SLC12A7: variants seen among roughly 807,000 people sequenced by gnomAD.
SLC12A7 encodes solute carrier family 12 member 7.
A neutral mutation model predicts 120.6 loss-of-function variants in SLC12A7; 100 were observed. The ratio of observed to expected loss-of-function variants is 0.83; its 90% CI spans 0.71 to 0.98. The LOEUF (loss-of-function observed/expected upper bound fraction) is 0.98. Ranked by LOEUF, SLC12A7 falls within the 50% of genes least tolerant of loss-of-function variation. The probability of loss-of-function intolerance (pLI) is 0.00; values close to 1 mark genes in which losing one functional copy is unlikely to be tolerated. For missense variants in SLC12A7, 1,373 were observed against 1,548.1 expected, an observed-to-expected ratio of 0.89 and a Z score of 1.90; for synonymous variants, 760 against 678.0, an observed-to-expected ratio of 1.12 and a Z score of -1.88.
At chr5:1,076,288 C>T (rs756038216) in intron 13 of SLC12A7, 52 bp from the exon 14 acceptor site, 6 of 1,438,954 alleles carry the variant, frequency 4.2e-6, no homozygotes, top group African/African-American at 1.4e-5. Context: ...CCCTGAGCCC[C>T]CAGTCACTGC....
chr5:1,154,943 G>A, the SLC12A7 span, among the ~76,000 whole-genome samples: 8 of 152,216 alleles, frequency 5.3e-5, no homozygotes, highest in South Asian at 2.1e-4. Flanking sequence ...CGGGGCCCAC[G>A]AGCTTTAAGC....
chr5:1,085,562 G>A lies in SLC12A7; in HGVS notation c.676-89C>T. 3 of 1,472,146 alleles carry A rather than the reference G, an allele frequency of 2.0e-6. 1 individual carries two copies. The South Asian group carries it at 4.1e-5, about 20-fold the overall frequency. 91.2% of individuals were successfully genotyped at this position (1,472,146 alleles called of 1,614,324 possible). On this transcript the variant is annotated intron_variant, in intron 6 of 23. Transcript: ENST00000264930. ...CGCAAGCCCCCAGCGCCACACAGGG[G>A]CCTCCTCCCAACAGGTGCCGGGGCC...
intron 14 of SLC12A7, chr5:1,075,891 C>T: frequency 1.9e-6 from 1 of 534,618 alleles, no homozygotes. Flanking sequence ...ATGCAGACAC[C>T]TGGGCATCCT....
At chr5:1,127,115 A>G in the SLC12A7 span, among the ~76,000 whole-genome samples, 1 of 152,148 alleles carries the variant, frequency 6.6e-6, no homozygotes, top group African/African-American at 2.4e-5. Context: ...CCCAGGTTCA[A>G]GTGATTCTCC....
chr5:1,079,528 T>A (rs1450262614), intron 9 of SLC12A7, 32 bp from the exon 10 acceptor site: 2 of 1,564,802 alleles, frequency 1.3e-6, no homozygotes, highest in Admixed American at 1.7e-5. Flanking sequence ...CAAAGACCCA[T>A]CTGAGGAGTC....
intron 8 of SLC12A7, 22 bp downstream of exon 8, chr5:1,083,723 G>T: frequency 3.1e-6 from 5 of 1,609,446 alleles, no homozygotes; most frequent in Non-Finnish European, 2.5e-6. Flanking sequence ...CCCAGCTCCA[G>T]CTGCAGCCCT....
chr5:1,139,216 G>A, the SLC12A7 span, among the ~76,000 whole-genome samples: 2 of 152,362 alleles, frequency 1.3e-5, no homozygotes, highest in East Asian at 3.9e-4. Context: ...GGGAAAGTGT[G>A]AGCCCTTGGC....
chr5:1,060,277 A>G, intron 21 of SLC12A7, 67 bp downstream of exon 21: 1 of 1,232,888 alleles, frequency 8.1e-7, no homozygotes, highest in East Asian at 2.3e-5. Flanking sequence ...GGGTCCCAGA[A>G]AAGACTCGGC....
the SLC12A7 span, among the ~76,000 whole-genome samples, chr5:1,138,557 G>A: frequency 1.3e-5 from 2 of 152,114 alleles, no homozygotes; most frequent in Admixed American, 6.5e-5. Context: ...CTCTCTCCTC[G>A]TCTGTTTCTG....
At chr5:1,154,651 G>A in the SLC12A7 span, among the ~76,000 whole-genome samples, 2 of 152,216 alleles carry the variant, frequency 1.3e-5, no homozygotes, top group East Asian at 1.9e-4. Flanking sequence ...GGGCCATCGC[G>A]TGTAAAGGCT....
rs745741106 is a variant in SLC12A7 at position 1,081,757 on chromosome 5, G to T, written c.1130-13C>A. ...CTCCACAGGTTCTCTGCCGGGCAAGGAAGATCCCATGGGTTTCTGGCACCT... is the reference window on the plus strand; with the variant it reads ...CTCCACAGGTTCTCTGCCGGGCAAGTAAGATCCCATGGGTTTCTGGCACCT... On this transcript the variant is annotated splice_polypyrimidine_tract_variant and intron_variant, in intron 8 of 23. Transcript: ENST00000264930. 2 of 1,606,834 alleles carry T rather than the reference G, an allele frequency of 1.2e-6. No homozygotes were observed. The highest frequency in any genetic ancestry group is 8.5e-7 in the Non-Finnish European group (1 of 1,175,198).
the SLC12A7 span, among the ~76,000 whole-genome samples, chr5:1,142,322 C>T: frequency 9.6e-6 from 1 of 103,778 alleles, no homozygotes; most frequent in African/African-American, 3.9e-5. Context: ...CTCCCCTCTC[C>T]CCTCTCTCCT....
chr5:1,149,394 T>C, the SLC12A7 span, among the ~76,000 whole-genome samples: 11 of 152,018 alleles, frequency 7.2e-5, no homozygotes, highest in Non-Finnish European at 1.5e-4. Flanking sequence ...CTGGCCAACA[T>C]GGCGAAACCG....
At chr5:1,112,128 T>C (rs1337209988), upstream of SLC12A7, 6 of 1,011,214 alleles carry the variant, frequency 5.9e-6, no homozygotes, top group Non-Finnish European at 7.5e-6. Context: ...CTTCACCTGC[T>C]TGCCCCGCGG....
At chr5:1,111,707 GGTGGGGGCCCTC>G (rs1743022691) in intron 1 of SLC12A7, among the ~76,000 whole-genome samples, 149 bp downstream of exon 1, 1 of 152,180 alleles carries the variant, frequency 6.6e-6, no homozygotes, top group South Asian at 2.1e-4. Context: ...ACTAACGTGG[GGTGGGGGCCCTC>G]GTGGGGGACC....
At chr5:1,081,032 A>AGAGG (rs1395176588) in intron 9 of SLC12A7, among the ~76,000 whole-genome samples, 1 of 149,896 alleles carries the variant, frequency 6.7e-6, no homozygotes, top group African/African-American at 2.4e-5. Context: ...AGAGAGAGAG[A>AGAGG]GAGGGAGGGA....
intron 1 of SLC12A7, among the ~76,000 whole-genome samples, chr5:1,110,201 G>A (rs761085595): frequency 3.3e-5 from 5 of 152,250 alleles, no homozygotes; most frequent in Non-Finnish European, 7.3e-5. Flanking sequence ...GCACAAAAGC[G>A]CCAGGTGCAA....
In SLC12A7 at chr5:1,052,014, A is replaced by G; in HGVS notation, c.*346T>C. 9.1e-6 allele frequency: 3 copies of G among 328,218 alleles called. No homozygotes were observed. The highest frequency in any genetic ancestry group is 1.1e-5 in the Non-Finnish European group (2 of 178,638). 20.3% of individuals were successfully genotyped at this position (328,218 alleles called of 1,614,324 possible). On this transcript the variant is annotated 3_prime_UTR_variant, in exon 24 of 24. Coordinates refer to ENST00000264930, the MANE Select transcript of SLC12A7 (RefSeq NM_006598.3). ...AGAAATGCAACCTAACCACTGGGTAAATCCAGCCAAGGAAAAGAACTTCCA... is the reference window on the plus strand; with the variant it reads ...AGAAATGCAACCTAACCACTGGGTAGATCCAGCCAAGGAAAAGAACTTCCA...
chr5:1,054,480 C>A (rs769879672), intron 22 of SLC12A7, among the ~76,000 whole-genome samples: 2 of 152,250 alleles, frequency 1.3e-5, no homozygotes, highest in Admixed American at 6.5e-5. Context: ...GCAGAACTGG[C>A]GTTCCAGGAG....
Sources: allele counts gnomAD v4.1 joint callset (sites outside exome capture counted in the v4.1 genomes callset), GRCh38; gene constraint gnomAD v4.1.1; transcripts MANE v1.5; gene names NCBI Gene and HGNC (gene_info 2026-07-23, HGNC 2026-07-21).